The following ADAMTS18 variants were observed in gnomAD, a reference collection of about 807,000 sequenced individuals.
ADAMTS18 encodes the protein ADAM metallopeptidase with thrombospondin type 1 motif 18.
Under a neutral mutation model 165.9 loss-of-function variants are expected in ADAMTS18, and 157 were observed. The ratio of observed to expected loss-of-function variants is 0.95; its 90% CI spans 0.83 to 1.08. The LOEUF is 1.08. Among genes scored for constraint, ADAMTS18 ranks in the 50% least tolerant of loss-of-function variants. The pLI, the probability that ADAMTS18 is intolerant of heterozygous loss-of-function variation, is 0.00. For synonymous variants in ADAMTS18, 782 were observed against 578.2 expected, an observed-to-expected ratio of 1.35 and a Z score of -5.06; for missense variants, 2,040 against 1,534.0, an observed-to-expected ratio of 1.33 and a Z score of -5.51.
chr16:77,322,557 G>T, intron 13 of ADAMTS18, 91 bp from the exon 14 acceptor site: 1 of 1,498,244 alleles, frequency 6.7e-7, no homozygotes. Flanking sequence ...AATTTACTTA[G>T]AAAGCTATCA....
chr16:77,324,454 A>G (rs569166042), intron 13 of ADAMTS18, among the ~76,000 whole-genome samples: 129 of 152,342 alleles, frequency 8.5e-4, no homozygotes, highest in African/African-American at 2.5e-3. Flanking sequence ...AAAAGTTATA[A>G]CCATTACATA....
intron 16 of ADAMTS18, among the ~76,000 whole-genome samples, chr16:77,317,107 G>GT (rs1182279319): frequency 2.0e-4 from 30 of 151,774 alleles, no homozygotes; most frequent in South Asian, 6.2e-4. Context: ...CAAAAAGTCT[G>GT]TTTTTTTATC....
In ADAMTS18 at chr16:77,367,690, G is replaced by A. The variant is rs1245487308; in HGVS notation, c.529C>T (p.Leu177Phe). 6.2e-7 allele frequency: 1 copy of A among 1,614,174 alleles called. No homozygotes were observed. The highest frequency in any genetic ancestry group is 1.7e-5 in the Admixed American group (1 of 60,020). The change falls in exon 4 of 23, where the codon CTC becomes TTC. Residue 177 changes from leucine (L) to phenylalanine (F), a missense_variant. Transcript: ENST00000282849. ...AGAAGCTGAGGTAATGGCGAGATGA[G>A]GAATTCATTTTTTCGTGTCCTTATT... ...GLIRTRKNEF[L>F]ISPLPQLLAQ...
In ADAMTS18 at chr16:77,350,682, C is replaced by T. The variant is rs183073569; in HGVS notation, c.1614+3051G>A. 1.7e-3 allele frequency among the ~76,000 whole-genome samples: 258 copies of T among 152,182 alleles called. 2 individuals carry two copies. Among genetic ancestry groups the T allele is most frequent in the African/African-American group, 5.8e-3 (242 of 41,540 alleles). On this transcript the variant is annotated intron_variant, in intron 10 of 22. Coordinates refer to ENST00000282849, the MANE Select transcript of ADAMTS18 (RefSeq NM_199355.4). ...CAAAATTGAAGACTGTCTAACTCAG[C>T]GACCCTCAATCTTGACTGAGCATCA...
intron 2 of ADAMTS18, among the ~76,000 whole-genome samples, chr16:77,431,992 AAAGTT>A (rs1489692923): frequency 6.6e-6 from 1 of 152,212 alleles, no homozygotes; most frequent in Non-Finnish European, 1.5e-5. Context: ...TTTTGAAGAT[AAAGTT>A]AATAAACATA....
At chr16:77,371,082 G>C (rs1197293091) in intron 3 of ADAMTS18, among the ~76,000 whole-genome samples, 2 of 152,082 alleles carry the variant, frequency 1.3e-5, no homozygotes, top group Non-Finnish European at 2.9e-5. Context: ...AGGTGTGGTG[G>C]TGCATGCCTG....
At chr16:77,409,923 G>C (rs991302119) in intron 3 of ADAMTS18, among the ~76,000 whole-genome samples, 1 of 151,954 alleles carries the variant, frequency 6.6e-6, no homozygotes, top group Non-Finnish European at 1.5e-5. Context: ...TAATATTACC[G>C]TACTAGAATT....
rs1391604727 is a variant in ADAMTS18, at chr16:77,297,317, T to G, written c.2773A>C (p.Ile925Leu). ...AKTKPVTEPKICNAFSCPAYW... is the reference protein window; with the variant it reads ...AKTKPVTEPKLCNAFSCPAYW... ...GCCGGGCAGGAGAAAGCGTTGCAGA[T>G]TTTGGGCTCAGTTACTGGCTTGGTT... is the stretch of plus-strand genomic sequence containing the variant. The change falls in exon 18 of 23, where the codon ATC becomes CTC. Residue 925 changes from isoleucine to leucine, a missense_variant. Physicochemically the swap from Ile to Leu is conservative, Grantham distance 5 (BLOSUM62 2). Transcript: ENST00000282849. The G allele has an allele frequency of 2.5e-6, 4 of 1,613,992 alleles. No homozygotes were observed. Among genetic ancestry groups the G allele is most frequent in the African/African-American group, 2.7e-5 (2 of 74,932 alleles).
At chr16:77,330,131 G>A (rs1001666608) in intron 12 of ADAMTS18, among the ~76,000 whole-genome samples, 3 of 152,116 alleles carry the variant, frequency 2.0e-5, no homozygotes, top group African/African-American at 7.2e-5. Context: ...CAGCTGAGCC[G>A]TGATATTACT....
chr16:77,410,729 G>A (rs571342123), intron 3 of ADAMTS18, among the ~76,000 whole-genome samples: 1 of 152,082 alleles, frequency 6.6e-6, no homozygotes, highest in Non-Finnish European at 1.5e-5. Flanking sequence ...ATAAAATTGA[G>A]CATTAGAAAG....
intron 3 of ADAMTS18, among the ~76,000 whole-genome samples, chr16:77,405,464 C>G (rs1243090512): frequency 6.6e-6 from 1 of 152,156 alleles, no homozygotes; most frequent in Non-Finnish European, 1.5e-5. Flanking sequence ...ATGTTGAGGA[C>G]ATAAACCTTA....
chr16:77,322,520 T>A, intron 13 of ADAMTS18, 54 bp from the exon 14 acceptor site: 1 of 1,589,070 alleles, frequency 6.3e-7, no homozygotes, highest in Non-Finnish European at 8.6e-7. Context: ...TAAGGAAAAA[T>A]GATAGGATTG....
chr16:77,407,685 G>A (rs2057410404), intron 3 of ADAMTS18, among the ~76,000 whole-genome samples: 1 of 152,148 alleles, frequency 6.6e-6, no homozygotes. Flanking sequence ...GCAATGTAGT[G>A]TGCCTGTAGT....
chr16:77,289,182 C>T, intron 22 of ADAMTS18, 82 bp downstream of exon 22: 3 of 1,538,974 alleles, frequency 1.9e-6, no homozygotes, highest in East Asian at 4.5e-5. Flanking sequence ...TACAATGTCA[C>T]AGGCTGCACT....
chr16:77,339,905 T>C (rs1206081978), intron 11 of ADAMTS18, among the ~76,000 whole-genome samples: 4 of 152,178 alleles, frequency 2.6e-5, no homozygotes, highest in Non-Finnish European at 5.9e-5. Flanking sequence ...CTAACAAATA[T>C]CAGAAATCTG....
chr16:77,311,700 G>GGTTTTTTTTTTTTTTTTTTTTTTTT (rs141522765), intron 16 of ADAMTS18, among the ~76,000 whole-genome samples: 1 of 94,232 alleles, frequency 1.1e-5, no homozygotes, highest in Non-Finnish European at 2.4e-5. Context: ...GATTACTGGA[G>GGTTTTTTTTTTTTTTTTTTTTTTTT]TTTTCTTTTT....
intron 3 of ADAMTS18, among the ~76,000 whole-genome samples, chr16:77,404,631 G>T (rs1263077312): frequency 6.6e-6 from 1 of 152,106 alleles, no homozygotes; most frequent in Non-Finnish European, 1.5e-5. Flanking sequence ...TGTCTGTTCT[G>T]TTTGTGTAAT....
intron 3 of ADAMTS18, among the ~76,000 whole-genome samples, chr16:77,380,395 A>G (rs2057013871): frequency 6.6e-6 from 1 of 152,216 alleles, no homozygotes; most frequent in Non-Finnish European, 1.5e-5. Context: ...AATGACTTCA[A>G]CAGCTCAAAT....
chr16:77,423,086 A>C (rs768872714), intron 3 of ADAMTS18, among the ~76,000 whole-genome samples: 12 of 152,174 alleles, frequency 7.9e-5, no homozygotes, highest in Non-Finnish European at 1.8e-4. Flanking sequence ...TGGGACCCAC[A>C]CATATTTTTC....
Sources: allele counts gnomAD v4.1 joint callset (sites outside exome capture counted in the v4.1 genomes callset), GRCh38; gene constraint gnomAD v4.1.1; transcripts MANE v1.5; gene names NCBI Gene and HGNC (gene_info 2026-07-23, HGNC 2026-07-21).